The following ZNF28 variants were observed in gnomAD, a reference collection of about 807,000 sequenced individuals.
ZNF28 encodes the protein zinc finger protein KOX24.
In ZNF28, 5 loss-of-function variants were observed where a neutral mutation model predicts 7.2. That is an observed-to-expected ratio of 0.70 (90% CI 0.36 to 1.46). The LOEUF (loss-of-function observed/expected upper bound fraction) is 1.46. Among genes scored for constraint, ZNF28 ranks in the 40% most tolerant of loss-of-function variants. ZNF28 has a pLI of 0.03. For missense variants in ZNF28, 879 were observed against 866.6 expected, an observed-to-expected ratio of 1.01 and a Z score of -0.18; for synonymous variants, 288 against 292.4, an observed-to-expected ratio of 0.99 and a Z score of 0.15.
intron 3 of ZNF28, among the ~76,000 whole-genome samples, chr19:52,807,459 C>G (rs7253544): frequency 0.098 from 14,930 of 152,100 alleles, 1,342 homozygotes; most frequent in African/African-American, 0.22. Flanking sequence ...TCTTTAAAGT[C>G]TGCCATAAGG....
intron 2 of ZNF28, among the ~76,000 whole-genome samples, chr19:52,817,006 G>A (rs1209279035): frequency 2.0e-5 from 3 of 151,130 alleles, no homozygotes; most frequent in Admixed American, 6.6e-5. Context: ...CATAGTCTCC[G>A]TGAGCTCGAT....
chr19:52,811,024 C>T (rs1218145362), intron 2 of ZNF28, among the ~76,000 whole-genome samples: 2 of 143,956 alleles, frequency 1.4e-5, no homozygotes, highest in South Asian at 2.4e-4. Context: ...CGAGTGCCTG[C>T]GATTGCAGGC....
chr19:52,811,025 G>A (rs920555158), intron 2 of ZNF28, among the ~76,000 whole-genome samples: 38 of 140,150 alleles, frequency 2.7e-4, no homozygotes, highest in Non-Finnish European at 3.7e-4. Context: ...GAGTGCCTGC[G>A]ATTGCAGGCA....
intron 3 of ZNF28, chr19:52,805,393 G>C (rs2062924242): frequency 1.3e-5 from 2 of 152,168 alleles, no homozygotes; most frequent in African/African-American, 2.4e-5. Flanking sequence ...GGGAGGCTGA[G>C]GCTGGCAGAT....
chr19:52,801,254 G>A lies in ZNF28; in HGVS notation c.591C>T (p.Leu197=), dbSNP rs1002055938. ...HISNKYGNNS[L]HSSLLTQKRN... is the part of the protein sequence containing the mutation. ...GTTTTTGTGTGAGTAATGAAGAATGGAGGGAATTATTTCCATACTTATTAG... is the reference window on the plus strand; with the variant it reads ...GTTTTTGTGTGAGTAATGAAGAATGAAGGGAATTATTTCCATACTTATTAG... The change falls in exon 4 of 4, where the codon CTC becomes CTT. Residue 197 remains leucine (L), a synonymous_variant. Transcript: ENST00000457749. 6 of 1,614,002 alleles carry A rather than the reference G, an allele frequency of 3.7e-6. No individual in the cohort carries two copies. In the African/African-American group the frequency reaches 8.0e-5, roughly 22 times the overall value.
At position 52,799,151 on chromosome 19, in the gene ZNF28, T is replaced by C. The variant is rs2062830409; in HGVS notation, c.*537A>G. 7.4e-6 allele frequency: 3 copies of C among 405,708 alleles called. No individual in the cohort carries two copies. The highest frequency in any genetic ancestry group is 4.1e-5 in the African/African-American group (2 of 48,218). 25.1% of individuals were successfully genotyped at this position (405,708 alleles called of 1,614,324 possible). A position where few individuals can be genotyped will look rare whatever the true frequency, so the allele number is the denominator to read the frequency against. ...TATGATGACTTGCAAGGTGTGACTG[T>C]TGATTAAAAACTATGCCACATTCAT... On this transcript the variant is annotated 3_prime_UTR_variant, in exon 4 of 4. Coordinates refer to ENST00000457749, the MANE Select transcript of ZNF28 (RefSeq NM_006969.5).
At chr19:52,817,920 A>T in intron 2 of ZNF28, 24 bp downstream of exon 2, 1 of 1,608,894 alleles carries the variant, frequency 6.2e-7, no homozygotes, top group Non-Finnish European at 8.5e-7. Context: ...GAGACAGAGC[A>T]ATCCACCGAG....
At chr19:52,809,364 C>A (rs1337408328) in intron 2 of ZNF28, among the ~76,000 whole-genome samples, 2 of 152,200 alleles carry the variant, frequency 1.3e-5, no homozygotes, top group Admixed American at 6.5e-5. Flanking sequence ...AAAGAGCAAG[C>A]TAGCCATGTT....
At chr19:52,815,720 G>C (rs994392773) in intron 2 of ZNF28, among the ~76,000 whole-genome samples, 3 of 145,826 alleles carry the variant, frequency 2.1e-5, no homozygotes. Flanking sequence ...AGCTACTCGG[G>C]AGGCTGAGGC....
In ZNF28 at chr19:52,800,543, A is replaced by G. The variant is rs1016140504; in HGVS notation, c.1302T>C (p.Thr434=). Residue 434 remains threonine, a synonymous_variant, in exon 4 of 4, where the codon ACT becomes ACC. Transcript: ENST00000457749. The stretch of plus-strand genomic sequence containing the variant: ...CATTACACTTGTAAGGCTTCTCTCC[A>G]GTGTGAATTATACTATGTTTTGCCA... ...SYLAKHSIIH[T]GEKPYKCNEC... 3.7e-6 allele frequency: 6 copies of G among 1,613,422 alleles called. No individual in the cohort carries two copies. The Admixed American group carries it at 1.0e-4, about 27-fold the overall frequency.
chr19:52,802,568 T>A (rs2062885432), intron 3 of ZNF28, among the ~76,000 whole-genome samples: 1 of 151,726 alleles, frequency 6.6e-6, no homozygotes, highest in African/African-American at 2.4e-5. Context: ...TCCCAGCTAC[T>A]TGGGAGGCTG....
In ZNF28 at chr19:52,820,945, C is replaced by A. The variant is rs2910625; in HGVS notation, c.-74+641G>T. Among the ~76,000 whole-genome samples the A allele has an allele frequency of 3.4e-3, 514 of 150,232 alleles. 5 individuals carry two copies. The highest frequency in any genetic ancestry group is 5.6e-3 in the East Asian group (28 of 4,968). On this transcript the variant is annotated intron_variant, in intron 1 of 3. Coordinates refer to ENST00000457749, the MANE Select transcript of ZNF28 (RefSeq NM_006969.5). ...GATCCCTTTGGCCCACACGATCACA[C>A]GAGGGTTTGGAGTAAGACACCTGCA...
rs748814853 is a variant in ZNF28 at position 52,801,106 on chromosome 19, C to T, written c.739G>A (p.Val247Ile). The change falls in exon 4 of 4, where the codon GTA (valine) becomes ATA (isoleucine). Residue 247 changes from valine to isoleucine, a missense_variant. By Grantham distance (29) the Val-to-Ile change is conservative. Transcript: ENST00000457749. ...TTCTGATTAAATACCTTGCCATATACATCACATTTACATTGTTTCTCTTCT... is the reference window on the plus strand; with the variant it reads ...TTCTGATTAAATACCTTGCCATATATATCACATTTACATTGTTTCTCTTCT... ...HLEEKQCKCD[V>I]YGKVFNQKRY... The T allele has an allele frequency of 5.0e-6, 8 of 1,614,108 alleles. No individual in the cohort carries two copies. Among genetic ancestry groups the T allele is most frequent in the Non-Finnish European group, 5.9e-6 (7 of 1,180,026 alleles).
chr19:52,821,468 C>T (rs1164747128), intron 1 of ZNF28, 118 bp downstream of exon 1: 1 of 152,260 alleles, frequency 6.6e-6, no homozygotes, highest in Non-Finnish European at 1.5e-5. Context: ...TCTCCATTTG[C>T]TCTGAGTGAA....
At chr19:52,812,177 T>TTA (rs1209651008) in intron 2 of ZNF28, among the ~76,000 whole-genome samples, 1 of 125,540 alleles carries the variant, frequency 8.0e-6, no homozygotes, top group Admixed American at 7.7e-5. Flanking sequence ...AGCCGCCCCA[T>TTA]CTGGGAGGTG....
intron 2 of ZNF28, among the ~76,000 whole-genome samples, chr19:52,812,433 C>A (rs2063063451): frequency 8.0e-6 from 1 of 124,798 alleles, no homozygotes. Context: ...AAAAATACTT[C>A]TGCCTTGGGA....
chr19:52,819,810 T>G (rs1204163588), intron 1 of ZNF28, among the ~76,000 whole-genome samples: 2 of 143,804 alleles, frequency 1.4e-5, no homozygotes, highest in African/African-American at 2.8e-5. Context: ...CATTGAATTC[T>G]TCCTTACAAG....
intron 2 of ZNF28, among the ~76,000 whole-genome samples, chr19:52,812,756 GATCA>G (rs2063069516): frequency 1.7e-5 from 1 of 59,470 alleles, no homozygotes; most frequent in African/African-American, 8.4e-5. Flanking sequence ...ACCCAAGAAT[GATCA>G]ATAAAAAAAA....
intron 3 of ZNF28, chr19:52,807,770 C>T (rs1209280547): frequency 1.4e-6 from 1 of 709,782 alleles, no homozygotes; most frequent in African/African-American, 1.8e-5. Flanking sequence ...CCACCACGAC[C>T]AGGCTGCCAT....
Sources: allele counts gnomAD v4.1 joint callset (sites outside exome capture counted in the v4.1 genomes callset), GRCh38; gene constraint gnomAD v4.1.1; transcripts MANE v1.5; gene names NCBI Gene and HGNC (gene_info 2026-07-23, HGNC 2026-07-21).